The following NEDD4L variants were observed in gnomAD, a reference collection of about 807,000 sequenced individuals.
NEDD4L encodes NEDD4 like E3 ubiquitin protein ligase.
Under a neutral mutation model 148.9 loss-of-function variants are expected in NEDD4L, and 54 were observed. The observed-to-expected ratio is 0.36, with a 90% confidence interval of 0.29 to 0.45. The LOEUF is 0.45. NEDD4L is among the 20% of genes least tolerant of loss of function. The probability of loss-of-function intolerance (pLI) is 1.00; values close to 1 mark genes in which losing one functional copy is unlikely to be tolerated. For synonymous variants in NEDD4L, 433 were observed against 440.7 expected (o/e 0.98, Z 0.22); for missense variants, 856 against 1,233.8 (o/e 0.69, Z 4.59).
intron 5 of NEDD4L, among the ~76,000 whole-genome samples, 174 bp from the exon 6 acceptor site, chr18:58,315,808 C>T (rs951648146): frequency 2.6e-5 from 4 of 152,190 alleles, no homozygotes; most frequent in Admixed American, 6.5e-5. Context: ...TCCAGGCGCA[C>T]GGGCTCCTGG....
intron 2 of NEDD4L, among the ~76,000 whole-genome samples, chr18:58,196,708 CTCTT>C (rs1234233130): frequency 7.6e-6 from 1 of 131,102 alleles, no homozygotes; most frequent in Non-Finnish European, 1.6e-5. Context: ...TTCTCTCTCT[CTCTT>C]TTTTTTTTTT....
chr18:58,046,472 T>C (rs2081591474), intron 1 of NEDD4L: 1 of 152,170 alleles, frequency 6.6e-6, no homozygotes, highest in African/African-American at 2.4e-5. Context: ...AATAACATGA[T>C]TATTTGTAAA....
At chr18:58,266,362 G>T (rs1600445770) in intron 5 of NEDD4L, among the ~76,000 whole-genome samples, 1 of 152,058 alleles carries the variant, frequency 6.6e-6, no homozygotes, top group African/African-American at 2.4e-5. Context: ...CCATATAAAA[G>T]TATTAAATTT....
At chr18:58,387,392 T>C (rs2049175779) in intron 26 of NEDD4L, 47 bp from the exon 27 acceptor site, 1 of 1,487,954 alleles carries the variant, frequency 6.7e-7, no homozygotes, top group South Asian at 1.3e-5. Context: ...AAATTTTTTT[T>C]TTTTGAAGGC....
chr18:58,360,301 C>T (rs2045297867), intron 19 of NEDD4L, among the ~76,000 whole-genome samples: 1 of 152,186 alleles, frequency 6.6e-6, no homozygotes, highest in Admixed American at 6.5e-5. Flanking sequence ...TTCCGATTCT[C>T]TCTAAGTATC....
intron 1 of NEDD4L, among the ~76,000 whole-genome samples, chr18:58,112,712 G>T (rs1301088056): frequency 6.6e-6 from 1 of 151,836 alleles, no homozygotes; most frequent in African/African-American, 2.4e-5. Flanking sequence ...CTCATCTCGA[G>T]CTCCTGAGCT....
intron 5 of NEDD4L, among the ~76,000 whole-genome samples, chr18:58,298,798 A>G (rs775885200): frequency 1.2e-4 from 18 of 152,214 alleles, no homozygotes; most frequent in African/African-American, 1.9e-4. Flanking sequence ...TTATATGACA[A>G]TGTCTCACTG....
chr18:58,173,311 T>C (rs142319375), intron 2 of NEDD4L, among the ~76,000 whole-genome samples: 41 of 152,338 alleles, frequency 2.7e-4, no homozygotes, highest in Middle Eastern at 3.4e-3. Flanking sequence ...CAATGTTGGC[T>C]GAGACAAACC....
At chr18:58,082,102 A>ATATATATATATATTTT in intron 1 of NEDD4L, among the ~76,000 whole-genome samples, 1 of 48,856 alleles carries the variant, frequency 2.0e-5, no homozygotes, top group African/African-American at 1.3e-4. Flanking sequence ...ATATATATAT[A>ATATATATATATATTTT]TTTTTTTTTT....
chr18:58,132,518 G>A (rs558165389), intron 1 of NEDD4L, among the ~76,000 whole-genome samples: 1 of 152,330 alleles, frequency 6.6e-6, no homozygotes, highest in South Asian at 2.1e-4. Context: ...TGGGGTAGTG[G>A]TACAGTTCCT....
intron 20 of NEDD4L, among the ~76,000 whole-genome samples, chr18:58,365,015 G>A (rs1031597137): frequency 6.6e-6 from 1 of 152,088 alleles, no homozygotes; most frequent in African/African-American, 2.4e-5. Context: ...ACACCTCTAG[G>A]GAGGGGAGAG....
chr18:58,227,517 C>A lies in NEDD4L; in HGVS notation c.123-17910C>A, dbSNP rs144233642. Among the ~76,000 whole-genome samples, 76 of 152,288 alleles carry A rather than the reference C, an allele frequency of 5.0e-4. 1 individual carries two copies. The highest frequency in any genetic ancestry group is 1.7e-3 in the African/African-American group (71 of 41,556). On this transcript the variant is annotated intron_variant, in intron 2 of 30. Transcript: ENST00000400345. ...GTAAAATGGAATTCGCTGGGTGATT[C>A]TTAGGACTGTGCGGTCAGTCGAATT...
At chr18:58,195,951 A>C (rs778910152) in intron 2 of NEDD4L, among the ~76,000 whole-genome samples, 1 of 152,194 alleles carries the variant, frequency 6.6e-6, no homozygotes, top group African/African-American at 2.4e-5. Flanking sequence ...TTAATTATTT[A>C]TGTATTTAAC....
chr18:58,160,188 G>A (rs1220300098), intron 1 of NEDD4L, among the ~76,000 whole-genome samples: 1 of 152,226 alleles, frequency 6.6e-6, no homozygotes, highest in African/African-American at 2.4e-5. Flanking sequence ...GGGTGGCTAT[G>A]GGACTCTAGT....
intron 1 of NEDD4L, among the ~76,000 whole-genome samples, chr18:58,111,538 GTTGT>G (rs1325203352): frequency 6.6e-6 from 1 of 152,148 alleles, no homozygotes; most frequent in Non-Finnish European, 1.5e-5. Flanking sequence ...GCCATGTATG[GTTGT>G]TTGTGACTGG....
chr18:58,098,123 G>A (rs1424824083), intron 1 of NEDD4L, among the ~76,000 whole-genome samples: 1 of 152,218 alleles, frequency 6.6e-6, no homozygotes, highest in Non-Finnish European at 1.5e-5. Flanking sequence ...TAGTGGTGAA[G>A]AATCTGACAA....
chr18:58,368,238 G>A (rs2046364908), intron 22 of NEDD4L, among the ~76,000 whole-genome samples: 9 of 126,650 alleles, frequency 7.1e-5, no homozygotes, highest in Middle Eastern at 3.9e-3. Context: ...TGATTATTGC[G>A]TTTGTCCCCA....
chr18:58,146,465 G>A (rs2034107157), intron 1 of NEDD4L, among the ~76,000 whole-genome samples: 1 of 152,126 alleles, frequency 6.6e-6, no homozygotes, highest in African/African-American at 2.4e-5. Context: ...CTTTAAAGAG[G>A]GGATGGTTAC....
chr18:58,082,230 C>T (rs1377155185), intron 1 of NEDD4L, among the ~76,000 whole-genome samples: 4 of 148,096 alleles, frequency 2.7e-5, no homozygotes, highest in African/African-American at 9.9e-5. Flanking sequence ...GCCTCAGCCT[C>T]CCAAGTAGCT....
Sources: allele counts gnomAD v4.1 joint callset (sites outside exome capture counted in the v4.1 genomes callset), GRCh38; gene constraint gnomAD v4.1.1; transcripts MANE v1.5; gene names NCBI Gene and HGNC (gene_info 2026-07-23, HGNC 2026-07-21).